Variants in AXDND1 observed in about 807,000 individuals in gnomAD.
The protein encoded by AXDND1 is axonemal dynein light chain domain containing 1.
AXDND1 carries 110 observed loss-of-function variants against 137.5 expected under a neutral mutation model. That is an observed-to-expected ratio of 0.80 (90% CI 0.69 to 0.94). AXDND1 has a LOEUF of 0.94. Ranked by LOEUF, AXDND1 falls within the 40% of genes least tolerant of loss-of-function variation. The pLI is 0.00. For missense variants in AXDND1, 1,191 were observed against 1,169.8 expected (o/e 1.02, Z -0.26); for synonymous variants, 414 against 399.7 (o/e 1.04, Z -0.43).
chr1:179,447,811 G>A, intron 16 of AXDND1: 2 of 1,296,712 alleles, frequency 1.5e-6, no homozygotes, highest in Non-Finnish European at 2.2e-6. Context: ...AGTTCCATTT[G>A]GCACTGTGAA....
intron 16 of AXDND1, chr1:179,448,021 G>A: frequency 7.2e-7 from 1 of 1,385,266 alleles, no homozygotes; most frequent in East Asian, 2.3e-5. Flanking sequence ...GCTTTTCACT[G>A]GAACTGTGAC....
chr1:179,513,254 C>T lies in AXDND1; in HGVS notation c.2496+3851C>T, dbSNP rs543687672. 2.6e-5 allele frequency among the ~76,000 whole-genome samples: 4 copies of T among 152,216 alleles called. No individual in the cohort carries two copies. In the South Asian group the frequency reaches 8.3e-4, roughly 32 times the overall value. On this transcript the variant is annotated intron_variant, in intron 21 of 25. Transcript: ENST00000367618. ...TTATGTCCATTGTATGCTGATTTTG[C>T]TGAGAGTTTTAATCATAAAGGGATG...
intron 2 of AXDND1, among the ~76,000 whole-genome samples, chr1:179,368,297 C>G (rs1035830299): frequency 6.6e-6 from 1 of 152,130 alleles, no homozygotes; most frequent in Non-Finnish European, 1.5e-5. Flanking sequence ...GCAACAATCC[C>G]AGTTCCATCT....
chr1:179,435,715 A>T (rs1393606276), intron 15 of AXDND1, among the ~76,000 whole-genome samples: 1 of 151,428 alleles, frequency 6.6e-6, no homozygotes, highest in East Asian at 1.9e-4. Flanking sequence ...AAGACTTTAA[A>T]ATCCCAAACA....
intron 16 of AXDND1, among the ~76,000 whole-genome samples, chr1:179,464,185 A>G (rs969344742): frequency 5.3e-5 from 8 of 152,176 alleles, no homozygotes; most frequent in African/African-American, 1.9e-4. Flanking sequence ...TTTGCTCGTT[A>G]GTTGATGCAG....
chr1:179,543,517 G>C (rs1217738118), intron 25 of AXDND1: 5 of 152,196 alleles, frequency 3.3e-5, no homozygotes, highest in African/African-American at 1.2e-4. Context: ...TTGATGGCCA[G>C]AGGCCATCAA....
intron 21 of AXDND1, among the ~76,000 whole-genome samples, chr1:179,510,506 A>G (rs1668940525): frequency 6.6e-6 from 1 of 152,134 alleles, no homozygotes; most frequent in Non-Finnish European, 1.5e-5. Context: ...ATTCACCTTT[A>G]ACAAATGTGC....
At chr1:179,537,877 A>T (rs1671712213) in intron 25 of AXDND1, among the ~76,000 whole-genome samples, 1 of 152,004 alleles carries the variant, frequency 6.6e-6, no homozygotes, top group Non-Finnish European at 1.5e-5. Context: ...GCCACCTGTT[A>T]TTGGTCTATT....
Position 179,402,231 on chromosome 1 carries a change from T to C in AXDND1, c.1109+7029T>C, listed in dbSNP as rs182351344. Among the ~76,000 whole-genome samples the C allele has an allele frequency of 1.5e-3, 226 of 152,196 alleles. 1 individual carries two copies. The highest frequency in any genetic ancestry group is 4.8e-3 in the Admixed American group (73 of 15,286). ...TCAGCAGCATGAAAATGGACTAATA[T>C]GTAACATGAGATACTTTATTCAATT... On this transcript the variant is annotated intron_variant, in intron 11 of 25. Coordinates refer to ENST00000367618, the MANE Select transcript of AXDND1 (RefSeq NM_144696.6).
At chr1:179,411,116 A>T (rs1653800007) in intron 11 of AXDND1, 30 bp from the exon 12 acceptor site, 1 of 1,494,158 alleles carries the variant, frequency 6.7e-7, no homozygotes, top group Admixed American at 2.2e-5. Context: ...GTATAAATTA[A>T]ATGAAGCTGT....
At chr1:179,447,641 G>A (rs1174954326) in intron 16 of AXDND1, 10 of 1,300,464 alleles carry the variant, frequency 7.7e-6, no homozygotes, top group Admixed American at 3.8e-5. Flanking sequence ...ATGACAACTC[G>A]AAGATCTGGT....
At chr1:179,498,487 A>G (rs1667679232) in intron 20 of AXDND1, among the ~76,000 whole-genome samples, 1 of 152,130 alleles carries the variant, frequency 6.6e-6, no homozygotes, top group Non-Finnish European at 1.5e-5. Context: ...AATCTGGGAA[A>G]ACAAGACTGG....
At chr1:179,396,422 G>A (rs1440887807) in intron 11 of AXDND1, among the ~76,000 whole-genome samples, 1 of 152,030 alleles carries the variant, frequency 6.6e-6, no homozygotes, top group Non-Finnish European at 1.5e-5. Flanking sequence ...GGCCGAGGTG[G>A]GTGGATGATG....
intron 16 of AXDND1, chr1:179,450,884 A>G (rs1277933002): frequency 1.3e-5 from 2 of 152,280 alleles, no homozygotes; most frequent in Non-Finnish European, 2.9e-5. Flanking sequence ...TAGCCACACC[A>G]CTTTACTCCA....
At chr1:179,419,982 A>G (rs949249052) in intron 12 of AXDND1, among the ~76,000 whole-genome samples, 1 of 152,168 alleles carries the variant, frequency 6.6e-6, no homozygotes, top group Admixed American at 6.5e-5. Flanking sequence ...ACTTCCAGGA[A>G]TAAAAGTGGT....
intron 25 of AXDND1, among the ~76,000 whole-genome samples, chr1:179,540,440 A>G (rs1672019004): frequency 6.6e-6 from 1 of 151,982 alleles, no homozygotes; most frequent in African/African-American, 2.4e-5. Context: ...TTTTCCTTCT[A>G]ACAGGTCCTT....
intron 25 of AXDND1, among the ~76,000 whole-genome samples, chr1:179,546,844 C>A (rs1427330176): frequency 1.3e-5 from 2 of 152,232 alleles, no homozygotes; most frequent in East Asian, 1.9e-4. Flanking sequence ...ACTCAGTGCG[C>A]GTGGGCTCCA....
intron 15 of AXDND1, among the ~76,000 whole-genome samples, chr1:179,444,110 G>GA (rs1429745892): frequency 6.7e-6 from 1 of 148,862 alleles, no homozygotes; most frequent in Non-Finnish European, 1.5e-5. Flanking sequence ...AGAAAAAATA[G>GA]AAAAAAGTCA....
chr1:179,383,614 A>C lies in AXDND1; in HGVS notation c.741+70A>C. 3 of 1,160,594 alleles carry C rather than the reference A, an allele frequency of 2.6e-6. No homozygotes were observed. In the East Asian group the frequency reaches 7.4e-5, roughly 29 times the overall value. 71.9% of individuals were successfully genotyped at this position (1,160,594 alleles called of 1,614,324 possible). ...TCAGGAGGCAGATTGCCTAGGTTAGAATTCTGACCCTGCCATATATTTACT... is the reference window on the plus strand; with the variant it reads ...TCAGGAGGCAGATTGCCTAGGTTAGCATTCTGACCCTGCCATATATTTACT... On this transcript the variant is annotated intron_variant, in intron 8 of 25. Transcript: ENST00000367618.
Sources: allele counts gnomAD v4.1 joint callset (sites outside exome capture counted in the v4.1 genomes callset), GRCh38; gene constraint gnomAD v4.1.1; transcripts MANE v1.5; gene names NCBI Gene and HGNC (gene_info 2026-07-23, HGNC 2026-07-21).